Variants in NUBPL observed in about 807,000 individuals in gnomAD.
NUBPL encodes the protein iron-sulfur cluster transfer protein NUBPL.
Under a neutral mutation model 45.7 loss-of-function variants are expected in NUBPL, and 31 were observed. That is an observed-to-expected ratio of 0.68 (90% CI 0.51 to 0.92). The LOEUF is 0.92. Ranked by LOEUF, NUBPL falls within the 40% of genes least tolerant of loss-of-function variation. NUBPL has a pLI of 0.00. For synonymous variants in NUBPL, 144 were observed against 140.9 expected (o/e 1.02, Z -0.15); for missense variants, 401 against 398.7 (o/e 1.01, Z -0.05).
chr14:31,664,385 T>C (rs976750506), intron 4 of NUBPL, among the ~76,000 whole-genome samples: 1 of 152,208 alleles, frequency 6.6e-6, no homozygotes, highest in African/African-American at 2.4e-5. Context: ...CATAAATCGC[T>C]TTTATTATTT....
At chr14:31,759,466 A>G (rs1233473162) in intron 6 of NUBPL, among the ~76,000 whole-genome samples, 1 of 152,080 alleles carries the variant, frequency 6.6e-6, no homozygotes, top group Non-Finnish European at 1.5e-5. Context: ...TATTTTTGGT[A>G]TAGAACATGA....
At chr14:31,852,059 A>G (rs944761207) in intron 10 of NUBPL, among the ~76,000 whole-genome samples, 1 of 152,208 alleles carries the variant, frequency 6.6e-6, no homozygotes, top group Non-Finnish European at 1.5e-5. Context: ...CAGGAAGAGC[A>G]CTAAATCTGA....
intron 4 of NUBPL, 49 bp downstream of exon 4, chr14:31,599,428 ATAC>A (rs1387477280): frequency 7.9e-7 from 1 of 1,259,730 alleles, no homozygotes; most frequent in Non-Finnish European, 1.2e-6. Flanking sequence ...ACTTTTATTA[ATAC>A]TTACTGGGTG....
intron 6 of NUBPL, among the ~76,000 whole-genome samples, chr14:31,759,792 G>T (rs950302018): frequency 6.7e-6 from 1 of 150,250 alleles, no homozygotes; most frequent in Non-Finnish European, 1.5e-5. Context: ...CTCACTTTCA[G>T]TATGGTATTC....
intron 6 of NUBPL, among the ~76,000 whole-genome samples, chr14:31,705,126 T>C (rs998730023): frequency 2.0e-5 from 3 of 151,992 alleles, no homozygotes; most frequent in Middle Eastern, 3.2e-3. Flanking sequence ...GTGGTGAGTG[T>C]TACAGTTCAT....
At chr14:31,701,811 T>G (rs1322643925) in intron 6 of NUBPL, among the ~76,000 whole-genome samples, 1 of 152,220 alleles carries the variant, frequency 6.6e-6, no homozygotes, top group African/African-American at 2.4e-5. Context: ...ATTCTTGAAG[T>G]CAGTGAGACC....
intron 4 of NUBPL, among the ~76,000 whole-genome samples, chr14:31,602,103 A>G (rs1169499036): frequency 5.3e-5 from 8 of 152,166 alleles, no homozygotes; most frequent in Admixed American, 4.6e-4. Context: ...CATGGATGAA[A>G]CTGGAAATCA....
chr14:31,633,897 G>A (rs986345189), intron 4 of NUBPL, among the ~76,000 whole-genome samples: 5 of 151,850 alleles, frequency 3.3e-5, no homozygotes, highest in South Asian at 2.1e-4. Flanking sequence ...TATAATTGCC[G>A]TTCTGGTTGC....
intron 7 of NUBPL, among the ~76,000 whole-genome samples, chr14:31,808,906 T>A (rs1203830199): frequency 6.6e-6 from 1 of 152,236 alleles, no homozygotes; most frequent in Non-Finnish European, 1.5e-5. Context: ...TCTGTTTATG[T>A]GATGGATTAC....
At chr14:31,771,098 T>G (rs900187273) in intron 6 of NUBPL, among the ~76,000 whole-genome samples, 2 of 152,178 alleles carry the variant, frequency 1.3e-5, no homozygotes, top group African/African-American at 4.8e-5. Flanking sequence ...CTTGTATAGA[T>G]GGTTGGTAGA....
chr14:31,642,560 C>A (rs993766943), intron 4 of NUBPL, among the ~76,000 whole-genome samples: 7 of 151,932 alleles, frequency 4.6e-5, no homozygotes, highest in African/African-American at 1.7e-4. Flanking sequence ...TGTTTTTATG[C>A]CAGTACTATA....
chr14:31,666,061 T>C (rs34508671), intron 4 of NUBPL, among the ~76,000 whole-genome samples: 6,591 of 151,154 alleles, frequency 0.044, 223 homozygotes, highest in Non-Finnish European at 0.064. Context: ...GGTTTTTTTT[T>C]CTTTCCATTT....
At chr14:31,674,351 A>G (rs986301209) in intron 6 of NUBPL, among the ~76,000 whole-genome samples, 6 of 152,238 alleles carry the variant, frequency 3.9e-5, no homozygotes, top group East Asian at 1.9e-4. Flanking sequence ...CAGGTATACA[A>G]TTAAGTAGAT....
chr14:31,609,202 C>T (rs923787899), intron 4 of NUBPL, among the ~76,000 whole-genome samples: 5 of 151,852 alleles, frequency 3.3e-5, no homozygotes, highest in Non-Finnish European at 7.4e-5. Context: ...TAAAGACACA[C>T]ATAGACTGAA....
chr14:31,688,090 A>T (rs2036996648), intron 6 of NUBPL, among the ~76,000 whole-genome samples: 1 of 152,192 alleles, frequency 6.6e-6, no homozygotes, highest in African/African-American at 2.4e-5. Context: ...AATATTATTC[A>T]AGAAAAAAAT....
intron 8 of NUBPL, chr14:31,845,894 A>T (rs1046156281): frequency 6.5e-6 from 1 of 152,998 alleles, no homozygotes; most frequent in African/African-American, 2.4e-5. Flanking sequence ...TCTAAAACAA[A>T]AATCTGATTG....
chr14:31,583,486 A>G (rs1421464100), intron 3 of NUBPL, among the ~76,000 whole-genome samples: 1 of 152,242 alleles, frequency 6.6e-6, no homozygotes, highest in Non-Finnish European at 1.5e-5. Flanking sequence ...AGTGCCACAA[A>G]GAAGTCCTGT....
At chr14:31,730,920 A>T (rs1223804708) in intron 6 of NUBPL, among the ~76,000 whole-genome samples, 1 of 152,194 alleles carries the variant, frequency 6.6e-6, no homozygotes, top group Non-Finnish European at 1.5e-5. Flanking sequence ...ACAGGCAAAG[A>T]TAATCAGGCA....
chr14:31,614,040 A>G (rs1260812163), intron 4 of NUBPL, among the ~76,000 whole-genome samples: 1 of 152,158 alleles, frequency 6.6e-6, no homozygotes. Flanking sequence ...ATTTGGTAGT[A>G]TCAAAGTCCA....
Sources: gnomAD v4.1 joint callset for allele counts (sites outside exome capture counted in the v4.1 genomes callset) on GRCh38, gnomAD v4.1.1 for gene constraint, MANE v1.5 for transcripts, NCBI Gene and HGNC (gene_info 2026-07-23, HGNC 2026-07-21) for gene names.